Variants in PLXDC2 observed in about 807,000 individuals in gnomAD.
PLXDC2 encodes the protein plexin domain containing 2, also known as plexin domain-containing protein 2.
In PLXDC2, 40 loss-of-function variants were observed where a neutral mutation model predicts 68.9. The ratio of observed to expected loss-of-function variants is 0.58; its 90% CI spans 0.45 to 0.76. The LOEUF (loss-of-function observed/expected upper bound fraction) is 0.76. Ranked by LOEUF, PLXDC2 falls within the 30% of genes least tolerant of loss-of-function variation. The probability of loss-of-function intolerance (pLI) is 0.00; values close to 1 mark genes in which losing one functional copy is unlikely to be tolerated. For synonymous variants in PLXDC2, 243 were observed against 234.2 expected (o/e 1.04, Z -0.34); for missense variants, 644 against 661.9 (o/e 0.97, Z 0.30).
chr10:20,144,890 C>T (rs1003159247), intron 5 of PLXDC2, among the ~76,000 whole-genome samples: 1 of 152,168 alleles, frequency 6.6e-6, no homozygotes, highest in African/African-American at 2.4e-5. Context: ...AAATAAGTCT[C>T]TCTTCATATA....
chr10:20,005,025 T>G (rs1314761092), intron 2 of PLXDC2, among the ~76,000 whole-genome samples: 1 of 152,146 alleles, frequency 6.6e-6, no homozygotes, highest in African/African-American at 2.4e-5. Context: ...ATTTCAATGA[T>G]TTTTTTACAC....
At chr10:20,083,365 T>A (rs1361386029) in intron 4 of PLXDC2, among the ~76,000 whole-genome samples, 1 of 151,460 alleles carries the variant, frequency 6.6e-6, no homozygotes, top group African/African-American at 2.4e-5. Flanking sequence ...TAGTCCCAGC[T>A]ACTCGGGAAG....
chr10:19,956,712 T>C (rs1465655579), intron 1 of PLXDC2, among the ~76,000 whole-genome samples: 1 of 152,236 alleles, frequency 6.6e-6, no homozygotes, highest in Non-Finnish European at 1.5e-5. Context: ...CATATTTATG[T>C]GTCCCTAGAA....
chr10:19,885,251 T>C (rs1404334406), intron 1 of PLXDC2, among the ~76,000 whole-genome samples: 2 of 151,722 alleles, frequency 1.3e-5, no homozygotes, highest in Non-Finnish European at 2.9e-5. Context: ...TTCTGGATAT[T>C]AGCCCTTTGT....
chr10:19,923,472 G>A (rs1833493494), intron 1 of PLXDC2, among the ~76,000 whole-genome samples: 1 of 152,156 alleles, frequency 6.6e-6, no homozygotes, highest in Admixed American at 6.5e-5. Context: ...CTAATAAAAT[G>A]TCATTCTGAG....
At chr10:19,992,825 A>G (rs1478441444) in intron 1 of PLXDC2, among the ~76,000 whole-genome samples, 1 of 152,004 alleles carries the variant, frequency 6.6e-6, no homozygotes, top group African/African-American at 2.4e-5. Context: ...TCCTTGCTGA[A>G]TTGTTTACAG....
chr10:20,216,003 G>A (rs920714476), intron 10 of PLXDC2, among the ~76,000 whole-genome samples: 6 of 152,020 alleles, frequency 3.9e-5, no homozygotes, highest in Non-Finnish European at 7.4e-5. Context: ...TGTTTGTGGA[G>A]CCCCCATGGC....
intron 2 of PLXDC2, among the ~76,000 whole-genome samples, chr10:20,032,480 A>T (rs965280859): frequency 1.3e-5 from 2 of 152,174 alleles, no homozygotes; most frequent in Non-Finnish European, 2.9e-5. Context: ...ACTTTTCAAA[A>T]GGATTACTCT....
At chr10:19,898,467 C>A (rs1838101640) in intron 1 of PLXDC2, among the ~76,000 whole-genome samples, 1 of 152,136 alleles carries the variant, frequency 6.6e-6, no homozygotes, top group Admixed American at 6.6e-5. Context: ...GCAAGCACAA[C>A]TGGTGGAAAA....
chr10:20,196,774 A>G (rs1834843452), intron 9 of PLXDC2, among the ~76,000 whole-genome samples: 3 of 152,218 alleles, frequency 2.0e-5, no homozygotes. Context: ...ATTGTTGAAC[A>G]CGGTTCATGT....
At position 19,869,474 on chromosome 10, in the gene PLXDC2, G is replaced by C. The variant is rs1490672617; in HGVS notation, c.112+52283G>C. ...GAGAAAGAGAGAGAGAGAAAGGGGG[G>C]GGGGGGAGAGGGTGGGAGGGAGGGA... On this transcript the variant is annotated intron_variant, in intron 1 of 13. Transcript: ENST00000377252. Among the ~76,000 whole-genome samples the C allele has an allele frequency of 2.2e-3, 281 of 126,448 alleles. 2 individuals are homozygous for C. The highest frequency in any genetic ancestry group is 3.9e-3 in the Non-Finnish European group (231 of 59,292). 83.0% of individuals were successfully genotyped at this position (126,448 alleles called of 152,430 possible). A position where few individuals can be genotyped will look rare whatever the true frequency, so the allele number is the denominator to read the frequency against.
intron 7 of PLXDC2, among the ~76,000 whole-genome samples, chr10:20,172,133 A>G (rs1834455149): frequency 6.6e-6 from 1 of 151,296 alleles, no homozygotes; most frequent in Admixed American, 6.6e-5. Context: ...CATTTGCTTC[A>G]GTGGCTGCCT....
intron 2 of PLXDC2, among the ~76,000 whole-genome samples, chr10:20,017,046 A>C (rs1015680571): frequency 3.3e-5 from 5 of 152,208 alleles, no homozygotes; most frequent in Non-Finnish European, 7.3e-5. Context: ...GGCAATCACA[A>C]ATTGAAATGC....
At chr10:20,170,252 A>G (rs1413104444) in intron 7 of PLXDC2, among the ~76,000 whole-genome samples, 1 of 152,032 alleles carries the variant, frequency 6.6e-6, no homozygotes, top group Non-Finnish European at 1.5e-5. Context: ...GTACAGTGGG[A>G]CGATCTTGGC....
chr10:20,197,224 G>A (rs1159543907), intron 9 of PLXDC2, among the ~76,000 whole-genome samples: 5 of 152,016 alleles, frequency 3.3e-5, no homozygotes, highest in Admixed American at 3.3e-4. Flanking sequence ...TAAAAAATAT[G>A]CAACATTTCA....
At chr10:20,092,996 T>C (rs540890471) in intron 4 of PLXDC2, among the ~76,000 whole-genome samples, 3 of 152,314 alleles carry the variant, frequency 2.0e-5, no homozygotes, top group African/African-American at 4.8e-5. Context: ...CTTGGACTTC[T>C]GGTCTCCAGA....
At chr10:20,008,827 G>A (rs1265862648) in intron 2 of PLXDC2, among the ~76,000 whole-genome samples, 2 of 152,216 alleles carry the variant, frequency 1.3e-5, no homozygotes, top group Non-Finnish European at 2.9e-5. Context: ...TTTTGAGATC[G>A]GATGGTTCCA....
intron 10 of PLXDC2, among the ~76,000 whole-genome samples, chr10:20,213,057 T>C (rs1835090001): frequency 6.6e-6 from 1 of 152,174 alleles, no homozygotes; most frequent in Non-Finnish European, 1.5e-5. Flanking sequence ...ATTTAATCTG[T>C]CAAATGTATG....
chr10:19,841,623 G>A (rs930767718), intron 1 of PLXDC2, among the ~76,000 whole-genome samples: 1 of 148,048 alleles, frequency 6.8e-6, no homozygotes, highest in Middle Eastern at 3.2e-3. Context: ...TGTGACCTTA[G>A]ACAGATAGAC....
Sources: gnomAD v4.1 joint callset for allele counts (sites outside exome capture counted in the v4.1 genomes callset) on GRCh38, gnomAD v4.1.1 for gene constraint, MANE v1.5 for transcripts, NCBI Gene and HGNC (gene_info 2026-07-23, HGNC 2026-07-21) for gene names.